The following PTN variants were observed in gnomAD, a reference collection of about 807,000 sequenced individuals.
The protein encoded by PTN is pleiotrophin, also known as heparin affin regulatory protein.
Under a neutral mutation model 24.1 loss-of-function variants are expected in PTN, and 18 were observed. The observed-to-expected ratio is 0.75, with a 90% CI of 0.52 to 1.11. The LOEUF (loss-of-function observed/expected upper bound fraction) is 1.11, where lower values mean the gene tolerates loss of function less well. Ranked by LOEUF, PTN falls within the 50% of genes least tolerant of loss-of-function variation. PTN has a pLI of 0.00. For missense variants in PTN, 163 were observed against 198.8 expected, an observed-to-expected ratio of 0.82 and a Z score of 1.08; for synonymous variants, 78 against 68.6, an observed-to-expected ratio of 1.14 and a Z score of -0.67.
intron 1 of PTN, chr7:137,325,648 T>A (rs1810246615): frequency 5.9e-5 from 9 of 152,246 alleles, no homozygotes; most frequent in Admixed American, 5.9e-4. Flanking sequence ...ACAATCTGGC[T>A]TTCACTGTCA....
At chr7:137,278,223 C>A (rs1809399254) in intron 1 of PTN, among the ~76,000 whole-genome samples, 1 of 136,748 alleles carries the variant, frequency 7.3e-6, no homozygotes, top group Admixed American at 8.1e-5. Flanking sequence ...AGGAGAATGG[C>A]GTGAACCCGG....
rs869311084 is a variant in PTN at position 137,269,624 on chromosome 7, A to ATTTTTTTTTTTTTTTTTT, written c.-1-14668_-1-14651dup. 3.2e-5 allele frequency among the ~76,000 whole-genome samples: 2 copies of ATTTTTTTTTTTTTTTTTT among 63,010 alleles called. 1 individual carries two copies. The highest frequency in any genetic ancestry group is 1.5e-4 in the African/African-American group (2 of 13,424). The allele number at this position is 63,010 out of a possible 152,430, so 41.3% of individuals were successfully genotyped here. A position where few individuals can be genotyped will look rare whatever the true frequency, so the allele number is the denominator to read the frequency against. ...TGCTATCTGTCAAGCTGCTTCATCT[A>ATTTTTTTTTTTTTTTTTT]TTTTTTTTTTTTTTTTTTTTTTTTT... On this transcript the variant is annotated intron_variant, in intron 1 of 4. Coordinates refer to ENST00000348225, the MANE Select transcript of PTN (RefSeq NM_002825.7).
At chr7:137,235,559 C>T (rs984459770) in intron 4 of PTN, among the ~76,000 whole-genome samples, 9 of 152,154 alleles carry the variant, frequency 5.9e-5, no homozygotes, top group Admixed American at 5.9e-4. Flanking sequence ...GTAGTTCAGT[C>T]CAATGCCTAT....
At chr7:137,303,348 T>G (rs1038973029) in intron 1 of PTN, among the ~76,000 whole-genome samples, 1 of 151,956 alleles carries the variant, frequency 6.6e-6, no homozygotes, top group Non-Finnish European at 1.5e-5. Flanking sequence ...CATTGTATTT[T>G]GGGATTCAGT....
chr7:137,338,221 T>C (rs1183967052), intron 1 of PTN, among the ~76,000 whole-genome samples: 1 of 152,182 alleles, frequency 6.6e-6, no homozygotes, highest in African/African-American at 2.4e-5. Context: ...TCCCTTCATG[T>C]ATATGTTTTC....
intron 4 of PTN, among the ~76,000 whole-genome samples, chr7:137,233,036 A>T (rs1195551429): frequency 1.3e-5 from 2 of 151,990 alleles, no homozygotes; most frequent in African/African-American, 4.8e-5. Flanking sequence ...CAGCACGAGA[A>T]TGGGCTAATA....
At chr7:137,326,409 T>G (rs530207684) in intron 1 of PTN, 6 of 152,180 alleles carry the variant, frequency 3.9e-5, no homozygotes, top group African/African-American at 1.4e-4. Flanking sequence ...TCACCTCCCA[T>G]TATAATGTCT....
chr7:137,328,078 T>G (rs1228576654), intron 1 of PTN, among the ~76,000 whole-genome samples: 1 of 152,202 alleles, frequency 6.6e-6, no homozygotes, highest in Non-Finnish European at 1.5e-5. Context: ...AATAAAAATG[T>G]CTTACTTCCC....
At chr7:137,259,616 T>A (rs1030182719) in intron 1 of PTN, among the ~76,000 whole-genome samples, 1 of 150,792 alleles carries the variant, frequency 6.6e-6, no homozygotes, top group African/African-American at 2.5e-5. Flanking sequence ...AGTGCTTTTT[T>A]TATTAAAAAA....
At chr7:137,319,948 C>T (rs760109409) in intron 1 of PTN, among the ~76,000 whole-genome samples, 18 of 152,164 alleles carry the variant, frequency 1.2e-4, no homozygotes, top group Non-Finnish European at 1.8e-4. Context: ...ATCCCCTCCA[C>T]GTGTATTCTG....
At chr7:137,230,789 G>A (rs1168307585) in intron 4 of PTN, among the ~76,000 whole-genome samples, 4 of 151,754 alleles carry the variant, frequency 2.6e-5, no homozygotes, top group African/African-American at 9.7e-5. Flanking sequence ...TAGAAAGAAC[G>A]TGGTCCAACG....
chr7:137,233,983 T>C (rs1808475980), intron 4 of PTN, among the ~76,000 whole-genome samples: 2 of 151,066 alleles, frequency 1.3e-5, no homozygotes, highest in Admixed American at 6.6e-5. Context: ...TGTATATATA[T>C]ACACACACAC....
In PTN at chr7:137,276,785, A is replaced by T. The variant is rs556720057; in HGVS notation, c.-1-21811T>A. Among the ~76,000 whole-genome samples the T allele has an allele frequency of 1.3e-4, 20 of 150,660 alleles. No individual in the cohort carries two copies. In the East Asian group the frequency reaches 3.5e-3, roughly 26 times the overall value. On this transcript the variant is annotated intron_variant, in intron 1 of 4. Coordinates refer to ENST00000348225, the MANE Select transcript of PTN (RefSeq NM_002825.7). ...TGCACAGAGAACTTGCTTCACAATT[A>T]TTGCTTTTAACAGAAAAAAAAAAAT...
chr7:137,308,599 C>T (rs1809927045), intron 1 of PTN, among the ~76,000 whole-genome samples: 1 of 152,028 alleles, frequency 6.6e-6, no homozygotes, highest in Non-Finnish European at 1.5e-5. Flanking sequence ...ATATTAATAT[C>T]AGGGTAGGGT....
intron 1 of PTN, among the ~76,000 whole-genome samples, chr7:137,314,004 G>A (rs1810027676): frequency 6.6e-6 from 1 of 152,116 alleles, no homozygotes; most frequent in South Asian, 2.1e-4. Context: ...GAAAGCAGAA[G>A]ATAATCTCAC....
At chr7:137,310,651 G>A (rs1337977204) in intron 1 of PTN, among the ~76,000 whole-genome samples, 2 of 152,016 alleles carry the variant, frequency 1.3e-5, no homozygotes, top group Admixed American at 6.6e-5. Flanking sequence ...TGATCCGCCT[G>A]TCTCAGCCTC....
At chr7:137,297,589 A>G (rs1809738914) in intron 1 of PTN, among the ~76,000 whole-genome samples, 1 of 152,036 alleles carries the variant, frequency 6.6e-6, no homozygotes, top group Non-Finnish European at 1.5e-5. Context: ...TACAGAGAGA[A>G]GGAGAGAGCA....
chr7:137,250,110 G>C lies in PTN; in HGVS notation c.451+1120C>G, dbSNP rs1208574276. 2.0e-5 allele frequency among the ~76,000 whole-genome samples: 3 copies of C among 152,088 alleles called. No individual in the cohort carries two copies. The East Asian group carries it at 5.8e-4, about 29-fold the overall frequency. The stretch of plus-strand genomic sequence containing the variant: ...AGTATGAATTTTCAGGACCACCTTA[G>C]AGTTAAAATATATGAGTAGAGGCCA... On this transcript the variant is annotated intron_variant, in intron 4 of 4. Coordinates refer to ENST00000348225, the MANE Select transcript of PTN (RefSeq NM_002825.7).
At chr7:137,326,294 C>T (rs1810260235) in intron 1 of PTN, 1 of 152,088 alleles carries the variant, frequency 6.6e-6, no homozygotes. Flanking sequence ...ACTCTCTTAC[C>T]CCAAATCAGC....
Sources: allele counts gnomAD v4.1 joint callset (sites outside exome capture counted in the v4.1 genomes callset), GRCh38; gene constraint gnomAD v4.1.1; transcripts MANE v1.5; gene names NCBI Gene and HGNC (gene_info 2026-07-23, HGNC 2026-07-21).